The following GRID2 variants were observed in gnomAD, a reference collection of about 807,000 sequenced individuals.
GRID2 encodes the protein glutamate ionotropic receptor delta type subunit 2, also known as glutamate receptor ionotropic, delta-2.
Under a neutral mutation model 114.8 loss-of-function variants are expected in GRID2, and 33 were observed. That is an observed-to-expected ratio of 0.29 (90% CI 0.22 to 0.38). The LOEUF is 0.38. GRID2 is among the 10% of genes least tolerant of loss of function. The pLI, the probability that GRID2 is intolerant of heterozygous loss-of-function variation, is 1.00. For synonymous variants in GRID2, 505 were observed against 449.9 expected (o/e 1.12, Z -1.55); for missense variants, 1,184 against 1,257.7 (o/e 0.94, Z 0.89).
intron 4 of GRID2, among the ~76,000 whole-genome samples, chr4:93,156,501 A>AG (rs1477500734): frequency 7.3e-5 from 11 of 151,716 alleles, no homozygotes; most frequent in African/African-American, 2.4e-4. Flanking sequence ...AAAGAAGAAG[A>AG]TTCACAGGCC....
chr4:93,793,830 G>A (rs977236523), intron 1 of GRID2, among the ~76,000 whole-genome samples: 17 of 152,220 alleles, frequency 1.1e-4, no homozygotes, highest in South Asian at 4.1e-4. Flanking sequence ...TCTCTTCTTG[G>A]CATGTTTTTC....
At chr4:93,317,986 AATATATATAT>A (rs58755199) in intron 8 of GRID2, among the ~76,000 whole-genome samples, 12,877 of 100,850 alleles carry the variant, frequency 0.13, 1,475 homozygotes, top group East Asian at 0.55. Context: ...TTAAAAGTGA[AATATATATAT>A]ATATATATAT....
chr4:93,671,796 C>T (rs7681845), intron 14 of GRID2, among the ~76,000 whole-genome samples: 19,949 of 151,610 alleles, frequency 0.13, 1,639 homozygotes, highest in African/African-American at 0.23. Flanking sequence ...TGCTGAAACC[C>T]TGTCTCTACC....
intron 1 of GRID2, among the ~76,000 whole-genome samples, chr4:92,372,912 A>C (rs937667673): frequency 3.9e-5 from 6 of 152,204 alleles, no homozygotes; most frequent in African/African-American, 1.4e-4. Flanking sequence ...ATTATTCTTA[A>C]TGAAAAAATG....
At chr4:93,799,318 C>A (rs1312714525) in intron 1 of GRID2, among the ~76,000 whole-genome samples, 1 of 151,984 alleles carries the variant, frequency 6.6e-6, no homozygotes. Context: ...ATTTGAGTGA[C>A]AAATATTAAA....
intron 4 of GRID2, among the ~76,000 whole-genome samples, chr4:93,151,066 G>A (rs1289055336): frequency 5.0e-5 from 7 of 138,624 alleles, no homozygotes; most frequent in Admixed American, 1.6e-4. Flanking sequence ...GGAGGTTACA[G>A]TAAGCCAAGA....
rs1452154781 is a variant in GRID2 at position 92,424,892 on chromosome 4, CATT to C, written c.88+120153_88+120155del. On this transcript the variant is annotated intron_variant, in intron 1 of 15. Transcript: ENST00000282020. ...GCTTGTAACCAGAGGAGCTAATAAT[CATT>C]ATTAAGTATTTACTAGGATAAAATA... Among the ~76,000 whole-genome samples the C allele has an allele frequency of 2.6e-5, 4 of 151,846 alleles. No individual in the cohort carries two copies. The East Asian group carries it at 5.8e-4, about 22-fold the overall frequency.
At chr4:92,642,401 AT>A (rs926223064) in intron 2 of GRID2, among the ~76,000 whole-genome samples, 27 of 151,716 alleles carry the variant, frequency 1.8e-4, no homozygotes, top group Admixed American at 1.1e-3. Context: ...GATGATAAGC[AT>A]TTTTTCATAT....
intron 2 of GRID2, among the ~76,000 whole-genome samples, chr4:92,800,515 A>G (rs147257510): frequency 7.0e-4 from 107 of 152,128 alleles, no homozygotes; most frequent in Non-Finnish European, 1.3e-3. Flanking sequence ...AGGCATATCA[A>G]TTGAAGGAGA....
intron 2 of GRID2, among the ~76,000 whole-genome samples, chr4:92,656,820 G>C (rs1732262789): frequency 6.6e-6 from 1 of 151,726 alleles, no homozygotes; most frequent in Non-Finnish European, 1.5e-5. Context: ...TTAGCAATTA[G>C]AGTAATTTTA....
chr4:93,503,328 T>A (rs779355797), intron 12 of GRID2, among the ~76,000 whole-genome samples: 1 of 152,124 alleles, frequency 6.6e-6, no homozygotes. Context: ...CAAATTCTTT[T>A]TATTTTATTA....
intron 2 of GRID2, among the ~76,000 whole-genome samples, chr4:92,816,607 T>A (rs1181556799): frequency 6.6e-6 from 1 of 152,120 alleles, no homozygotes; most frequent in African/African-American, 2.4e-5. Context: ...TACAAATATC[T>A]TAAGTATTTT....
chr4:92,912,746 C>CT (rs1483278860), intron 2 of GRID2, among the ~76,000 whole-genome samples: 1 of 151,744 alleles, frequency 6.6e-6, no homozygotes, highest in Non-Finnish European at 1.5e-5. Flanking sequence ...AAAACAAACT[C>CT]TTTAAGAATT....
intron 2 of GRID2, among the ~76,000 whole-genome samples, chr4:92,883,279 C>T (rs1578382455): frequency 6.6e-6 from 1 of 152,164 alleles, no homozygotes; most frequent in African/African-American, 2.4e-5. Flanking sequence ...CATAGTATTA[C>T]CACAACTTAG....
At chr4:93,551,461 T>C in intron 13 of GRID2, among the ~76,000 whole-genome samples, 1 of 151,364 alleles carries the variant, frequency 6.6e-6, no homozygotes, top group Admixed American at 6.6e-5. Flanking sequence ...TGAGATGAGC[T>C]TGGCAGAGAT....
intron 2 of GRID2, among the ~76,000 whole-genome samples, chr4:92,641,947 C>T (rs1057362531): frequency 4.7e-5 from 7 of 150,428 alleles, no homozygotes; most frequent in Admixed American, 3.3e-4. Flanking sequence ...ATCTAGTTTG[C>T]CACAAATGGC....
chr4:92,719,648 G>A (rs1166606380), intron 2 of GRID2, among the ~76,000 whole-genome samples: 1 of 152,130 alleles, frequency 6.6e-6, no homozygotes, highest in Non-Finnish European at 1.5e-5. Context: ...TGAGCCAGAG[G>A]AGTAATGCAG....
chr4:92,648,644 A>G (rs1029379635), intron 2 of GRID2, among the ~76,000 whole-genome samples: 5 of 149,276 alleles, frequency 3.3e-5, no homozygotes, highest in Non-Finnish European at 5.9e-5. Flanking sequence ...ATAAATTGCA[A>G]TGGTCAAACA....
chr4:93,243,366 C>T (rs1202116678), intron 8 of GRID2, among the ~76,000 whole-genome samples: 2 of 151,952 alleles, frequency 1.3e-5, no homozygotes, highest in Non-Finnish European at 2.9e-5. Flanking sequence ...GAAAATAACA[C>T]CACGCAAACA....
Sources: gnomAD v4.1 joint callset for allele counts (sites outside exome capture counted in the v4.1 genomes callset) on GRCh38, gnomAD v4.1.1 for gene constraint, MANE v1.5 for transcripts, NCBI Gene and HGNC (gene_info 2026-07-23, HGNC 2026-07-21) for gene names.